The following ATRNL1 variants were observed in gnomAD, a reference collection of about 807,000 sequenced individuals.
ATRNL1 encodes the protein attractin-like protein 1.
Under a neutral mutation model 182.7 loss-of-function variants are expected in ATRNL1, and 95 were observed. That is an observed-to-expected ratio of 0.52 (90% CI 0.44 to 0.62). The LOEUF (loss-of-function observed/expected upper bound fraction) is 0.62, where lower values mean the gene tolerates loss of function less well. ATRNL1 is among the 20% of genes least tolerant of loss of function. The pLI is 0.00. For missense variants in ATRNL1, 1,471 were observed against 1,679.5 expected, an observed-to-expected ratio of 0.88 and a Z score of 2.17; for synonymous variants, 576 against 568.3, an observed-to-expected ratio of 1.01 and a Z score of -0.19.
At chr10:115,698,350 C>G (rs1374045897) in intron 26 of ATRNL1, among the ~76,000 whole-genome samples, 2 of 152,042 alleles carry the variant, frequency 1.3e-5, no homozygotes, top group African/African-American at 4.8e-5. Context: ...TGCCCTTGAA[C>G]CAGAATACAT....
intron 26 of ATRNL1, among the ~76,000 whole-genome samples, chr10:115,589,751 T>C (rs1181313593): frequency 6.6e-6 from 1 of 152,214 alleles, no homozygotes; most frequent in Non-Finnish European, 1.5e-5. Flanking sequence ...AAATTATTTA[T>C]ATAACACATA....
At chr10:115,708,824 G>A (rs1393187333) in intron 26 of ATRNL1, among the ~76,000 whole-genome samples, 2 of 151,728 alleles carry the variant, frequency 1.3e-5, no homozygotes, top group Non-Finnish European at 3.0e-5. Flanking sequence ...TTACTTTGAC[G>A]AGCCTACAGT....
chr10:115,218,471 G>T lies in ATRNL1; in HGVS notation c.1532+2591G>T, dbSNP rs181260850. ...ATCCTCTTCTAGCATGGACAAAGTC[G>T]ATTCACCTGGCTTACTCGCAAATGG... On this transcript the variant is annotated intron_variant, in intron 9 of 28. Coordinates refer to ENST00000355044, the MANE Select transcript of ATRNL1 (RefSeq NM_207303.4). 2.6e-5 allele frequency among the ~76,000 whole-genome samples: 4 copies of T among 152,282 alleles called. No homozygotes were observed. In the East Asian group the frequency reaches 5.8e-4, roughly 22 times the overall value.
At position 115,401,689 on chromosome 10, in the gene ATRNL1, A is replaced by G. The variant is rs568063568; in HGVS notation, c.3269+6937A>G. On this transcript the variant is annotated intron_variant, in intron 20 of 28. Coordinates refer to ENST00000355044, the MANE Select transcript of ATRNL1 (RefSeq NM_207303.4). ...TGTTTCTGGTATGTAAAAAGACTGT[A>G]GAGACTATATCATGTCTTAGGAAAC... Among the ~76,000 whole-genome samples the G allele has an allele frequency of 2.6e-5, 4 of 152,292 alleles. No individual in the cohort carries two copies. In the South Asian group the frequency reaches 8.3e-4, roughly 32 times the overall value.
chr10:115,460,316 A>C (rs1414062081), intron 21 of ATRNL1, among the ~76,000 whole-genome samples: 1 of 152,162 alleles, frequency 6.6e-6, no homozygotes, highest in African/African-American at 2.4e-5. Context: ...TAATATCTTT[A>C]AAATTAAGCT....
At chr10:115,208,175 T>C (rs1201289728) in intron 8 of ATRNL1, among the ~76,000 whole-genome samples, 1 of 152,098 alleles carries the variant, frequency 6.6e-6, no homozygotes, top group Non-Finnish European at 1.5e-5. Flanking sequence ...GGCATTCTAT[T>C]AGTTTCTAAA....
chr10:115,663,511 C>G (rs942647347), intron 26 of ATRNL1, among the ~76,000 whole-genome samples: 9 of 151,880 alleles, frequency 5.9e-5, no homozygotes, highest in African/African-American at 2.2e-4. Flanking sequence ...ATGCTATCTA[C>G]CTTTCATTCT....
intron 3 of ATRNL1, among the ~76,000 whole-genome samples, chr10:115,127,301 A>G (rs538462254): frequency 1.4e-4 from 21 of 152,288 alleles, no homozygotes; most frequent in African/African-American, 4.8e-4. Context: ...GTATTATGAC[A>G]GGATGGATAG....
chr10:115,654,721 T>C (rs1474519467), intron 26 of ATRNL1, among the ~76,000 whole-genome samples: 1 of 152,172 alleles, frequency 6.6e-6, no homozygotes, highest in Non-Finnish European at 1.5e-5. Flanking sequence ...AATAGGGTCA[T>C]TTTTATTATT....
chr10:115,628,774 C>T (rs1470332489), intron 26 of ATRNL1, among the ~76,000 whole-genome samples: 3 of 152,052 alleles, frequency 2.0e-5, no homozygotes, highest in Non-Finnish European at 2.9e-5. Context: ...CAACTTCATT[C>T]TATTTTTGCA....
intron 1 of ATRNL1, among the ~76,000 whole-genome samples, chr10:115,106,321 G>A (rs1455419796): frequency 2.0e-5 from 3 of 152,130 alleles, no homozygotes; most frequent in African/African-American, 4.8e-5. Context: ...TTGTATCTAG[G>A]AAGTAACTAG....
At chr10:115,129,638 C>A in intron 5 of ATRNL1, 103 bp downstream of exon 5, 1 of 783,056 alleles carries the variant, frequency 1.3e-6, no homozygotes. Flanking sequence ...CACACCCAAG[C>A]CTTATATATT....
intron 26 of ATRNL1, among the ~76,000 whole-genome samples, chr10:115,604,132 T>G (rs565692447): frequency 6.6e-6 from 1 of 152,200 alleles, no homozygotes; most frequent in Admixed American, 6.5e-5. Flanking sequence ...CTAATAAACT[T>G]TTATTTGATT....
intron 7 of ATRNL1, among the ~76,000 whole-genome samples, chr10:115,170,384 A>C (rs933136026): frequency 6.6e-6 from 1 of 152,164 alleles, no homozygotes; most frequent in Non-Finnish European, 1.5e-5. Flanking sequence ...AATAATTTGT[A>C]TAATTTAAAA....
In ATRNL1 at chr10:115,703,183, G is replaced by T. The variant is rs557600897; in HGVS notation, c.3796-24065G>T. On this transcript the variant is annotated intron_variant, in intron 26 of 28. Transcript: ENST00000355044. Reference sequence around the variant, plus strand: ...TAAATGACTCCCTATTCAATAAATGGTGCTGGCATAGCTGGCTAACCATAT... The same window carrying T: ...TAAATGACTCCCTATTCAATAAATGTTGCTGGCATAGCTGGCTAACCATAT... Among the ~76,000 whole-genome samples, 5 of 152,026 alleles carry T rather than the reference G, an allele frequency of 3.3e-5. No individual in the cohort carries two copies. In the South Asian group the frequency reaches 1.0e-3, roughly 32 times the overall value.
Position 115,470,627 on chromosome 10 carries a change from A to T in ATRNL1, c.3654+1298A>T, listed in dbSNP as rs1043133150. ...GTTTATATACTTTTGAAAAAAAATT[A>T]CATAGTTATTTTAGAATGTTTTTGA... On this transcript the variant is annotated intron_variant, in intron 24 of 28. Transcript: ENST00000355044. Among the ~76,000 whole-genome samples, 15 of 150,712 alleles carry T rather than the reference A, an allele frequency of 1.0e-4. No individual in the cohort carries two copies. The South Asian group carries it at 1.0e-3, about 10-fold the overall frequency.
intron 1 of ATRNL1, among the ~76,000 whole-genome samples, chr10:115,104,981 G>T (rs1192332316): frequency 5.9e-5 from 9 of 151,898 alleles, no homozygotes; most frequent in Non-Finnish European, 4.4e-5. Flanking sequence ...TTAAAGTCAG[G>T]TAATATGATG....
intron 16 of ATRNL1, among the ~76,000 whole-genome samples, chr10:115,300,744 C>T (rs528258531): frequency 6.6e-6 from 1 of 152,078 alleles, no homozygotes; most frequent in Non-Finnish European, 1.5e-5. Context: ...TAAAATTTAC[C>T]ATTTTAACCA....
In ATRNL1 at chr10:115,381,432, A is replaced by ATTTTTTTTTTTTTTTTTTTTTTTTTTTT. The variant is rs375127246; in HGVS notation, c.3176-13210_3176-13209insTTTTTTTTTTTTTTTTTTTTTTTTTTTT. 3.8e-4 allele frequency among the ~76,000 whole-genome samples: 26 copies of ATTTTTTTTTTTTTTTTTTTTTTTTTTTT among 68,538 alleles called. 6 individuals are homozygous for ATTTTTTTTTTTTTTTTTTTTTTTTTTTT. The highest frequency in any genetic ancestry group is 1.1e-3 in the African/African-American group (19 of 16,704). The allele number at this position is 68,538 out of a possible 152,430, so 45.0% of individuals were successfully genotyped here. On this transcript the variant is annotated intron_variant, in intron 19 of 28. Transcript: ENST00000355044. ...CAGGCACATGCCACCATACCTGGCAATTTTTTTTTTTTTTTTTAGTAGACA... is the reference window on the plus strand; with the variant it reads ...CAGGCACATGCCACCATACCTGGCAATTTTTTTTTTTTTTTTTTTTTTTTTTTTTTTTTTTTTTTTTTTTTAGTAGACA...
Sources: gnomAD v4.1 joint callset for allele counts (sites outside exome capture counted in the v4.1 genomes callset) on GRCh38, gnomAD v4.1.1 for gene constraint, MANE v1.5 for transcripts, NCBI Gene and HGNC (gene_info 2026-07-23, HGNC 2026-07-21) for gene names.